The following MREG variants were observed in gnomAD, a reference collection of about 807,000 sequenced individuals.
MREG encodes dilute suppressor protein homolog.
A neutral mutation model predicts 28.5 loss-of-function variants in MREG; 31 were observed. The observed-to-expected ratio is 1.09, with a 90% CI of 0.82 to 1.47. The LOEUF (loss-of-function observed/expected upper bound fraction) is 1.47, where lower values mean the gene tolerates loss of function less well. MREG is among the 40% of genes most tolerant of loss of function. The pLI, the probability that MREG is intolerant of heterozygous loss-of-function variation, is 0.00. For synonymous variants in MREG, 106 were observed against 95.2 expected (o/e 1.11, Z -0.66); for missense variants, 256 against 257.4 (o/e 0.99, Z 0.04).
At chr2:215,982,462 A>G (rs192850749) in intron 2 of MREG, among the ~76,000 whole-genome samples, 4 of 152,122 alleles carry the variant, frequency 2.6e-5, no homozygotes, top group Non-Finnish European at 4.4e-5. Flanking sequence ...AGACCGATGA[A>G]CAGAACATCT....
rs1430176113 is a variant in MREG at position 215,979,486 on chromosome 2, AAT to A, written c.255+16818_255+16819del. On this transcript the variant is annotated intron_variant, in intron 2 of 4. Coordinates refer to ENST00000263268, the MANE Select transcript of MREG (RefSeq NM_018000.3). ...CTCAAAAAATAATAATAATAATAAT[AAT>A]AATAATAATAATAATAATAATAATA... 8.2e-3 allele frequency among the ~76,000 whole-genome samples: 1,204 copies of A among 146,324 alleles called. 33 individuals carry two copies. The highest frequency in any genetic ancestry group is 0.028 in the African/African-American group (1,103 of 39,560).
intron 1 of MREG, among the ~76,000 whole-genome samples, chr2:216,007,483 G>A (rs1389754865): frequency 2.6e-5 from 4 of 151,876 alleles, no homozygotes; most frequent in Non-Finnish European, 4.4e-5. Context: ...AGGCTGGAGT[G>A]CAGTATCTCA....
intron 2 of MREG, among the ~76,000 whole-genome samples, chr2:215,949,945 A>ACT (rs1294114715): frequency 1.3e-5 from 2 of 152,168 alleles, no homozygotes; most frequent in Admixed American, 6.5e-5. Context: ...AGTTGCCTTA[A>ACT]CTCCTTTTAG....
At chr2:216,012,642 T>TTA (rs1405029590) in intron 1 of MREG, among the ~76,000 whole-genome samples, 1 of 152,222 alleles carries the variant, frequency 6.6e-6, no homozygotes, top group African/African-American at 2.4e-5. Context: ...ACAAAGCCTC[T>TTA]TAGCTTATTG....
rs577075193 is a variant in MREG at position 215,945,807 on chromosome 2, A to C, written c.347-73T>G. On this transcript the variant is annotated intron_variant, in intron 3 of 4. Coordinates refer to ENST00000263268, the MANE Select transcript of MREG (RefSeq NM_018000.3). The stretch of plus-strand genomic sequence containing the variant: ...AAGTGTTCCGCAATACGGTCCCTGC[A>C]GGAGATTACGAACAGACCCATGTGG... The C allele has an allele frequency of 2.6e-4, 344 of 1,347,568 alleles. 1 individual carries two copies. Among genetic ancestry groups the C allele is most frequent in the Non-Finnish European group, 3.4e-4 (331 of 974,854 alleles). The allele number at this position is 1,347,568 out of a possible 1,614,324, so 83.5% of individuals were successfully genotyped here. A position where few individuals can be genotyped will look rare whatever the true frequency, so the allele number is the denominator to read the frequency against.
At position 215,945,874 on chromosome 2, in the gene MREG, G is replaced by T. The variant is rs150816259; in HGVS notation, c.347-140C>A. ...AAGCATCAGAAAACTGAAGCCAAAG[G>T]TACTATTCCATGTGCTGCCTCCCAG... On this transcript the variant is annotated intron_variant, in intron 3 of 4. Coordinates refer to ENST00000263268, the MANE Select transcript of MREG (RefSeq NM_018000.3). 4.4e-4 allele frequency: 278 copies of T among 637,044 alleles called. 1 individual carries two copies. The highest frequency in any genetic ancestry group is 4.0e-3 in the African/African-American group (221 of 54,970). The allele number at this position is 637,044 out of a possible 1,614,324, so 39.5% of individuals were successfully genotyped here. A position where few individuals can be genotyped will look rare whatever the true frequency, so the allele number is the denominator to read the frequency against.
chr2:215,966,397 CT>C (rs1177198104), intron 2 of MREG, among the ~76,000 whole-genome samples: 2 of 152,082 alleles, frequency 1.3e-5, no homozygotes. Context: ...TACCTATATT[CT>C]TTTTTTAAGA....
At chr2:215,970,727 G>A (rs949002623) in intron 2 of MREG, among the ~76,000 whole-genome samples, 1 of 152,196 alleles carries the variant, frequency 6.6e-6, no homozygotes, top group Non-Finnish European at 1.5e-5. Context: ...CAATGCCACA[G>A]GCTTGTAAAG....
chr2:216,015,124 T>TGTGTGCGCGCGTGCATGTGCGCGCAC, upstream of MREG, among the ~76,000 whole-genome samples: 1 of 53,174 alleles, frequency 1.9e-5, no homozygotes, highest in East Asian at 7.9e-4. Flanking sequence ...TGCACGCGTG[T>TGTGTGCGCGCGTGCATGTGCGCGCAC]GTGTGCGCGC....
intron 2 of MREG, 78 bp from the exon 3 acceptor site, chr2:215,947,191 C>A: frequency 1.2e-6 from 1 of 834,768 alleles, no homozygotes. Flanking sequence ...TTCATGTTGC[C>A]TAAACACCTG....
intron 2 of MREG, among the ~76,000 whole-genome samples, chr2:215,988,915 C>G (rs966825280): frequency 6.6e-6 from 1 of 152,232 alleles, no homozygotes; most frequent in African/African-American, 2.4e-5. Context: ...AGATAAAACT[C>G]CCATCTCCCT....
chr2:215,957,974 G>A (rs1181451131), intron 2 of MREG, among the ~76,000 whole-genome samples: 2 of 152,060 alleles, frequency 1.3e-5, no homozygotes, highest in Admixed American at 6.5e-5. Context: ...GCTGAAGCTG[G>A]AAACCATCAT....
chr2:215,954,344 T>C (rs186402349), intron 2 of MREG, among the ~76,000 whole-genome samples: 1 of 152,136 alleles, frequency 6.6e-6, no homozygotes, highest in South Asian at 2.1e-4. Context: ...ACCATTAAGA[T>C]GACCTTGTCT....
At chr2:215,979,533 C>T (rs539168060) in intron 2 of MREG, among the ~76,000 whole-genome samples, 36 of 150,264 alleles carry the variant, frequency 2.4e-4, no homozygotes, top group African/African-American at 7.3e-4. Flanking sequence ...CAAAGTTATT[C>T]AATTATCTGC....
At chr2:215,990,333 G>A (rs1411147477) in intron 2 of MREG, among the ~76,000 whole-genome samples, 1 of 152,162 alleles carries the variant, frequency 6.6e-6, no homozygotes, top group African/African-American at 2.4e-5. Context: ...ACCCTGTACA[G>A]ACAAGCAAAT....
intron 2 of MREG, among the ~76,000 whole-genome samples, chr2:215,981,920 C>T (rs1693436519): frequency 6.6e-6 from 1 of 152,180 alleles, no homozygotes; most frequent in African/African-American, 2.4e-5. Context: ...CACCACACAT[C>T]CTGCAGAATT....
chr2:215,987,187 C>T (rs540760816), intron 2 of MREG, among the ~76,000 whole-genome samples: 4 of 151,262 alleles, frequency 2.6e-5, no homozygotes, highest in African/African-American at 7.3e-5. Flanking sequence ...CAGAACAGTA[C>T]ATAATATGCG....
At chr2:216,020,981 G>A (rs997995184) in intron 1 of MREG, among the ~76,000 whole-genome samples, 3 of 152,214 alleles carry the variant, frequency 2.0e-5, no homozygotes, top group African/African-American at 7.2e-5. Flanking sequence ...TCTCATCTGA[G>A]ACCGTCGGCA....
rs1693947720 is a variant in MREG at position 215,999,156 on chromosome 2, T to G, written c.96-2691A>C. On this transcript the variant is annotated intron_variant, in intron 1 of 4. Transcript: ENST00000263268. Reference sequence around the variant, plus strand: ...ATTCCTGCATGACTGCAGCACGTGGTGTGCGGAGCAAGGAAAATGGAGAGA... The same window carrying G: ...ATTCCTGCATGACTGCAGCACGTGGGGTGCGGAGCAAGGAAAATGGAGAGA... Among the ~76,000 whole-genome samples, 3 of 152,184 alleles carry G rather than the reference T, an allele frequency of 2.0e-5. No homozygotes were observed. In the South Asian group the frequency reaches 6.2e-4, roughly 31 times the overall value.
Sources: allele counts gnomAD v4.1 joint callset (sites outside exome capture counted in the v4.1 genomes callset), GRCh38; gene constraint gnomAD v4.1.1; transcripts MANE v1.5; gene names NCBI Gene and HGNC (gene_info 2026-07-23, HGNC 2026-07-21).